The following CTNNA3 variants were observed in gnomAD, a reference collection of about 807,000 sequenced individuals.
The protein encoded by CTNNA3 is catenin alpha 3, also known as catenin alpha-3.
CTNNA3 carries 76 observed loss-of-function variants against 95.7 expected under a neutral mutation model. The ratio of observed to expected loss-of-function variants is 0.79; its 90% CI spans 0.66 to 0.96. The LOEUF is 0.96. Among genes scored for constraint, CTNNA3 ranks in the 40% least tolerant of loss-of-function variants. CTNNA3 has a pLI of 0.00. For missense variants in CTNNA3, 1,191 were observed against 1,089.8 expected, an observed-to-expected ratio of 1.09 and a Z score of -1.31; for synonymous variants, 431 against 374.4, an observed-to-expected ratio of 1.15 and a Z score of -1.74.
At chr10:66,288,804 C>A (rs867678283) in intron 12 of CTNNA3, among the ~76,000 whole-genome samples, 1 of 152,006 alleles carries the variant, frequency 6.6e-6, no homozygotes, top group African/African-American at 2.4e-5. Context: ...CTGTGTATAT[C>A]TCACTACTAT....
chr10:66,132,461 A>C (rs1017849992), intron 13 of CTNNA3, among the ~76,000 whole-genome samples: 68 of 152,246 alleles, frequency 4.5e-4, no homozygotes, highest in African/African-American at 1.5e-3. Context: ...TGGGAGTGTA[A>C]ATTATTAGTT....
At chr10:65,988,401 C>A (rs539232881) in intron 16 of CTNNA3, among the ~76,000 whole-genome samples, 1 of 152,056 alleles carries the variant, frequency 6.6e-6, no homozygotes, top group South Asian at 2.1e-4. Flanking sequence ...CAACAAAACT[C>A]GGTTTTGTAA....
At chr10:66,878,110 T>A (rs2132459254) in intron 7 of CTNNA3, among the ~76,000 whole-genome samples, 1 of 152,240 alleles carries the variant, frequency 6.6e-6, no homozygotes, top group Middle Eastern at 3.4e-3. Context: ...AGGAAGAAAG[T>A]ATCACCACTC....
At chr10:67,146,655 G>T (rs1487119423) in intron 7 of CTNNA3, among the ~76,000 whole-genome samples, 1 of 152,276 alleles carries the variant, frequency 6.6e-6, no homozygotes, top group East Asian at 1.9e-4. Context: ...AGAGATGCTT[G>T]CATAGGCATC....
intron 7 of CTNNA3, among the ~76,000 whole-genome samples, chr10:66,971,945 G>A (rs1385061093): frequency 2.0e-5 from 3 of 150,276 alleles, no homozygotes; most frequent in African/African-American, 7.4e-5. Context: ...ATTCCATTCT[G>A]TAATATTTGT....
intron 13 of CTNNA3, among the ~76,000 whole-genome samples, chr10:66,190,683 C>T (rs1449671772): frequency 6.6e-6 from 1 of 152,032 alleles, no homozygotes; most frequent in African/African-American, 2.4e-5. Flanking sequence ...AGCATTCTAC[C>T]TCTCCTCATC....
intron 14 of CTNNA3, among the ~76,000 whole-genome samples, chr10:66,089,418 CCTTT>C (rs1471542206): frequency 6.6e-6 from 1 of 151,382 alleles, no homozygotes; most frequent in Non-Finnish European, 1.5e-5. Context: ...TTCCTTCCTT[CCTTT>C]CTTCCTTCCT....
intron 9 of CTNNA3, among the ~76,000 whole-genome samples, chr10:66,689,292 C>T (rs950751860): frequency 2.0e-5 from 3 of 152,132 alleles, no homozygotes; most frequent in Non-Finnish European, 4.4e-5. Context: ...AGTATCAAGA[C>T]TTTCAACAAA....
At chr10:66,490,358 C>T (rs1354897417) in intron 11 of CTNNA3, among the ~76,000 whole-genome samples, 1 of 152,102 alleles carries the variant, frequency 6.6e-6, no homozygotes, top group Non-Finnish European at 1.5e-5. Context: ...TGACATCAAT[C>T]TTTAAAAATA....
chr10:66,723,584 G>A (rs1179063965), intron 9 of CTNNA3, among the ~76,000 whole-genome samples: 3 of 152,142 alleles, frequency 2.0e-5, no homozygotes, highest in Non-Finnish European at 4.4e-5. Flanking sequence ...ATCCCAGCAG[G>A]GACTAGAATG....
chr10:67,740,668 G>A, intron 1 of CTNNA3, among the ~76,000 whole-genome samples: 1 of 151,328 alleles, frequency 6.6e-6, no homozygotes, highest in Non-Finnish European at 1.5e-5. Context: ...AACAGGTGCT[G>A]GAGAGGATGT....
intron 1 of CTNNA3, among the ~76,000 whole-genome samples, chr10:67,649,968 T>C (rs1330013612): frequency 6.6e-6 from 1 of 152,160 alleles, no homozygotes; most frequent in African/African-American, 2.4e-5. Flanking sequence ...GCCTCCCAAG[T>C]AGCTGGGATT....
At position 67,564,039 on chromosome 10, in the gene CTNNA3, T is replaced by C. The variant is rs1841650077; in HGVS notation, c.293-24370A>G. 2.0e-5 allele frequency among the ~76,000 whole-genome samples: 3 copies of C among 149,084 alleles called. No homozygotes were observed. The South Asian group carries it at 6.6e-4, about 33-fold the overall frequency. ...GAGAAATAGGAACACTTTAACACTG[T>C]TGGTGGGACTGTAAACTAGTTCAAC... On this transcript the variant is annotated intron_variant, in intron 3 of 17. Coordinates refer to ENST00000433211, the MANE Select transcript of CTNNA3 (RefSeq NM_013266.4).
chr10:67,040,618 AT>A (rs890520956), intron 7 of CTNNA3, among the ~76,000 whole-genome samples: 8 of 152,104 alleles, frequency 5.3e-5, no homozygotes, highest in African/African-American at 9.7e-5. Context: ...ATGTGTCTAT[AT>A]TTTTTAAACA....
At chr10:67,390,300 T>A (rs2132765874) in intron 5 of CTNNA3, among the ~76,000 whole-genome samples, 1 of 151,968 alleles carries the variant, frequency 6.6e-6, no homozygotes, top group South Asian at 2.1e-4. Context: ...AACTAGAAAA[T>A]CTAGAAGAAA....
intron 7 of CTNNA3, among the ~76,000 whole-genome samples, chr10:67,179,756 G>A (rs1003324270): frequency 2.0e-5 from 3 of 152,106 alleles, no homozygotes; most frequent in East Asian, 3.9e-4. Flanking sequence ...GAGCCCAGGA[G>A]TTCGAGGCTG....
intron 9 of CTNNA3, among the ~76,000 whole-genome samples, chr10:66,635,873 G>A (rs1487054647): frequency 6.6e-6 from 1 of 151,944 alleles, no homozygotes; most frequent in East Asian, 1.9e-4. Flanking sequence ...TATTTATTAT[G>A]ACTTTGAAGG....
chr10:66,610,434 C>A (rs1844289567), intron 10 of CTNNA3, among the ~76,000 whole-genome samples: 1 of 152,060 alleles, frequency 6.6e-6, no homozygotes, highest in Non-Finnish European at 1.5e-5. Flanking sequence ...TAAAGGAACT[C>A]ACATGGCTGT....
At chr10:66,029,778 G>T (rs1447371623) in intron 15 of CTNNA3, among the ~76,000 whole-genome samples, 1 of 152,088 alleles carries the variant, frequency 6.6e-6, no homozygotes, top group African/African-American at 2.4e-5. Context: ...CATAGAAGGT[G>T]CCCTGTAACT....
Sources: gnomAD v4.1 joint callset for allele counts (sites outside exome capture counted in the v4.1 genomes callset) on GRCh38, gnomAD v4.1.1 for gene constraint, MANE v1.5 for transcripts, NCBI Gene and HGNC (gene_info 2026-07-23, HGNC 2026-07-21) for gene names.